The following ESR1 variants were observed in gnomAD, a reference collection of about 807,000 sequenced individuals.
ESR1 encodes estrogen receptor.
A neutral mutation model predicts 52.7 loss-of-function variants in ESR1; 12 were observed. That is an observed-to-expected ratio of 0.23 (90% CI 0.15 to 0.37). The LOEUF (loss-of-function observed/expected upper bound fraction) is 0.37, where lower values mean the gene tolerates loss of function less well. ESR1 is among the 10% of genes least tolerant of loss of function. The pLI, the probability that ESR1 is intolerant of heterozygous loss-of-function variation, is 1.00. For synonymous variants in ESR1, 305 were observed against 316.8 expected (o/e 0.96, Z 0.39); for missense variants, 584 against 779.7 (o/e 0.75, Z 2.99).
chr6:152,063,791 C>G (rs908039728), intron 6 of ESR1, among the ~76,000 whole-genome samples: 1 of 152,076 alleles, frequency 6.6e-6, no homozygotes, highest in Non-Finnish European at 1.5e-5. Context: ...CTAGAAGATG[C>G]CTTTCTGACA....
rs2035932462 is a variant in ESR1, at chr6:151,948,226, A to G, written c.1096+3718A>G. On this transcript the variant is annotated intron_variant, in intron 4 of 7. Coordinates refer to ENST00000206249, the MANE Select transcript of ESR1 (RefSeq NM_000125.4). The stretch of plus-strand genomic sequence containing the variant: ...ATACATCTGAGTTTTTTTCCCCAGA[A>G]GCTTGAATTGTGTCACCAAAGTGTC... Among the ~76,000 whole-genome samples, 6 of 152,272 alleles carry G rather than the reference A, an allele frequency of 3.9e-5. 1 individual carries two copies. In the South Asian group the frequency reaches 1.2e-3, roughly 32 times the overall value.
intron 4 of ESR1, among the ~76,000 whole-genome samples, chr6:151,989,885 T>C (rs1208210236): frequency 6.6e-6 from 1 of 152,122 alleles, no homozygotes; most frequent in Non-Finnish European, 1.5e-5. Flanking sequence ...TACATTTTTT[T>C]CTGTGTTAGC....
intron 2 of ESR1, among the ~76,000 whole-genome samples, chr6:151,788,501 G>A (rs1281441836): frequency 1.3e-5 from 2 of 152,214 alleles, no homozygotes; most frequent in Non-Finnish European, 2.9e-5. Flanking sequence ...TATAATGTTG[G>A]TGGGAGTGTA....
chr6:152,046,669 TAAAAG>T (rs752665375), intron 5 of ESR1, among the ~76,000 whole-genome samples: 93 of 152,172 alleles, frequency 6.1e-4, no homozygotes, highest in Admixed American at 9.8e-4. Context: ...GTTGTAATCT[TAAAAG>T]AAAGATATAT....
chr6:151,658,831 T>C (rs1434871767), intron 1 of ESR1, among the ~76,000 whole-genome samples: 1 of 152,132 alleles, frequency 6.6e-6, no homozygotes, highest in East Asian at 1.9e-4. Flanking sequence ...GCTTGGAAGA[T>C]TCATATATCT....
At chr6:151,804,034 G>A (rs575922969), upstream of ESR1, among the ~76,000 whole-genome samples, 2 of 152,196 alleles carry the variant, frequency 1.3e-5, no homozygotes, top group African/African-American at 4.8e-5. Flanking sequence ...AGTAAGTCAC[G>A]GCTGGAACGT....
intron 2 of ESR1, among the ~76,000 whole-genome samples, chr6:151,734,456 C>T (rs1351837045): frequency 2.6e-5 from 4 of 152,036 alleles, no homozygotes; most frequent in Admixed American, 2.6e-4. Flanking sequence ...TGAGTGCTTC[C>T]GCTTCCCAGC....
At chr6:151,711,864 C>T (rs527424994) in intron 2 of ESR1, among the ~76,000 whole-genome samples, 4 of 152,216 alleles carry the variant, frequency 2.6e-5, no homozygotes, top group East Asian at 1.9e-4. Context: ...AGATCCCATT[C>T]GTCAATTTTG....
intron 5 of ESR1, among the ~76,000 whole-genome samples, chr6:152,051,847 T>C (rs921113517): frequency 1.3e-5 from 2 of 152,238 alleles, no homozygotes; most frequent in Admixed American, 6.5e-5. Context: ...TTAAAAATTA[T>C]CTTCTGCCCA....
intron 3 of ESR1, among the ~76,000 whole-genome samples, chr6:151,902,924 A>G (rs146531381): frequency 6.6e-5 from 10 of 152,170 alleles, no homozygotes; most frequent in African/African-American, 2.2e-4. Flanking sequence ...CCTTTGGATA[A>G]TTAGTGATAC....
At chr6:151,935,088 G>T (rs1464995278) in intron 3 of ESR1, among the ~76,000 whole-genome samples, 2 of 152,208 alleles carry the variant, frequency 1.3e-5, no homozygotes, top group Non-Finnish European at 2.9e-5. Context: ...TTCCTTGGCT[G>T]TAATAAGGAA....
intron 3 of ESR1, among the ~76,000 whole-genome samples, chr6:151,923,649 T>C (rs529491741): frequency 1.3e-5 from 2 of 152,346 alleles, no homozygotes; most frequent in East Asian, 1.9e-4. Flanking sequence ...TATATTTTCA[T>C]GGTCTGATAG....
intron 4 of ESR1, among the ~76,000 whole-genome samples, chr6:151,997,425 A>T (rs1271155885): frequency 6.6e-6 from 1 of 152,084 alleles, no homozygotes; most frequent in Non-Finnish European, 1.5e-5. Context: ...TGCTTTTTAC[A>T]CTCTGATAAA....
intron 2 of ESR1, among the ~76,000 whole-genome samples, chr6:151,864,285 A>G (rs1204327900): frequency 1.3e-5 from 2 of 152,240 alleles, no homozygotes; most frequent in African/African-American, 4.8e-5. Context: ...AAGGATATGA[A>G]CAGACACTTC....
chr6:151,989,478 TA>T (rs532567150), intron 4 of ESR1, among the ~76,000 whole-genome samples: 121 of 151,408 alleles, frequency 8.0e-4, no homozygotes, highest in African/African-American at 2.7e-3. Flanking sequence ...CAAAAGTATT[TA>T]AAAAAATCAT....
At chr6:151,881,558 T>A (rs904950968) in intron 3 of ESR1, among the ~76,000 whole-genome samples, 1 of 152,200 alleles carries the variant, frequency 6.6e-6, no homozygotes, top group African/African-American at 2.4e-5. Flanking sequence ...GAGTCTCATC[T>A]TGAGGAACAT....
rs9340885 is a variant in ESR1 at position 151,916,358 on chromosome 6, T to G, written c.761-27815T>G. Among the ~76,000 whole-genome samples, 1,045 of 152,338 alleles carry G rather than the reference T, an allele frequency of 6.9e-3. 19 individuals carry two copies. The highest frequency in any genetic ancestry group is 0.02 in the African/African-American group (832 of 41,584). On this transcript the variant is annotated intron_variant, in intron 3 of 7. Coordinates refer to ENST00000206249, the MANE Select transcript of ESR1 (RefSeq NM_000125.4). ...TTGGTTCAATTCAATACATGAAACA[T>G]TCATCGATTATTATTTAGAAAAGCT...
chr6:151,799,505 A>T (rs1299318752), upstream of ESR1, among the ~76,000 whole-genome samples: 2 of 152,224 alleles, frequency 1.3e-5, no homozygotes, highest in Admixed American at 1.3e-4. Flanking sequence ...GAAGGAGTTT[A>T]CAAGTTCATT....
At chr6:151,792,660 GA>G (rs1249310313) in intron 2 of ESR1, among the ~76,000 whole-genome samples, 1 of 151,994 alleles carries the variant, frequency 6.6e-6, no homozygotes, top group African/African-American at 2.4e-5. Context: ...GGCTGGTCTT[GA>G]ACTCCTGACT....
Sources: allele counts gnomAD v4.1 joint callset (sites outside exome capture counted in the v4.1 genomes callset), GRCh38; gene constraint gnomAD v4.1.1; transcripts MANE v1.5; gene names NCBI Gene and HGNC (gene_info 2026-07-23, HGNC 2026-07-21).